The following BANP variants were observed in gnomAD, a reference collection of about 807,000 sequenced individuals.
The protein encoded by BANP is BTG3 associated nuclear protein.
In BANP, 11 loss-of-function variants were observed where a neutral mutation model predicts 68.1. That is an observed-to-expected ratio of 0.16 (90% CI 0.10 to 0.27). The LOEUF (loss-of-function observed/expected upper bound fraction) is 0.27, where lower values mean the gene tolerates loss of function less well. Ranked by LOEUF, BANP falls within the 10% of genes least tolerant of loss-of-function variation. The pLI is 1.00. For synonymous variants in BANP, 329 were observed against 303.2 expected, an observed-to-expected ratio of 1.09 and a Z score of -0.88; for missense variants, 504 against 722.7, an observed-to-expected ratio of 0.70 and a Z score of 3.47.
intron 4 of BANP, among the ~76,000 whole-genome samples, chr16:87,986,688 C>T (rs1325240423): frequency 7.2e-5 from 11 of 152,150 alleles, no homozygotes; most frequent in Admixed American, 1.3e-4. Context: ...ACAGACCTGC[C>T]GTGGCAGAAA....
In BANP at chr16:88,071,185, G is replaced by C. The variant is rs377172994; in HGVS notation, c.1378-884G>C. On this transcript the variant is annotated intron_variant, in intron 12 of 13. Coordinates refer to ENST00000682872, the MANE Select transcript of BANP (RefSeq NM_001386991.1). The surrounding 1 kb of genome is among the most constrained non-coding windows in gnomAD (Gnocchi z 6.5). ...GTGAGACTCTCAGTGCACAGAGTGCGGTTCTGTGTGGAGGTGTGGGATGCA... is the reference window on the plus strand; with the variant it reads ...GTGAGACTCTCAGTGCACAGAGTGCCGTTCTGTGTGGAGGTGTGGGATGCA... 9 of 336,192 alleles carry C rather than the reference G, an allele frequency of 2.7e-5. No homozygotes were observed. Among genetic ancestry groups the C allele is most frequent in the Non-Finnish European group, 4.7e-5 (8 of 171,494 alleles). The allele number at this position is 336,192 out of a possible 1,614,324, so 20.8% of individuals were successfully genotyped here. A position where few individuals can be genotyped will look rare whatever the true frequency, so the allele number is the denominator to read the frequency against.
At chr16:87,967,518 C>G (rs112239273) in intron 1 of BANP, among the ~76,000 whole-genome samples, 5,161 of 152,068 alleles carry the variant, frequency 0.034, 127 homozygotes, top group Middle Eastern at 0.061. Flanking sequence ...TGTAGTGGCA[C>G]TATCTCAGCT....
At chr16:88,063,200 G>A (rs73252341) in intron 11 of BANP, among the ~76,000 whole-genome samples, 2,870 of 152,334 alleles carry the variant, frequency 0.019, 96 homozygotes, top group African/African-American at 0.065. Flanking sequence ...GTTTCACGGC[G>A]TTGCCCTTGT....
chr16:88,037,540 T>C (rs2079653730), intron 10 of BANP: 2 of 168,430 alleles, frequency 1.2e-5, no homozygotes, highest in South Asian at 1.6e-4. Flanking sequence ...TGTGGTTGAG[T>C]GAGTTGGTTC....
At chr16:87,965,221 C>T (rs1186255157) in intron 1 of BANP, among the ~76,000 whole-genome samples, 2 of 152,066 alleles carry the variant, frequency 1.3e-5, no homozygotes, top group African/African-American at 4.8e-5. Flanking sequence ...CCCCATCAGG[C>T]CCTGTGGTGG....
chr16:88,067,313 G>C (rs1021570612), intron 12 of BANP, among the ~76,000 whole-genome samples: 4 of 152,116 alleles, frequency 2.6e-5, no homozygotes, highest in African/African-American at 7.2e-5. Context: ...TCAGCCCCCA[G>C]CCAGTGTCAC....
chr16:87,982,843 A>T (rs1433341591), intron 3 of BANP: 1 of 152,292 alleles, frequency 6.6e-6, no homozygotes, highest in Non-Finnish European at 1.5e-5. Context: ...GATGTATGAT[A>T]TCACTGCAGT....
chr16:88,042,638 G>A (rs1425211515), intron 11 of BANP, among the ~76,000 whole-genome samples: 1 of 152,150 alleles, frequency 6.6e-6, no homozygotes, highest in African/African-American at 2.4e-5. Context: ...TAAAAAAAAT[G>A]TTTTGTGCTG....
chr16:87,994,177 G>A (rs2066609307), intron 4 of BANP, among the ~76,000 whole-genome samples: 2 of 152,184 alleles, frequency 1.3e-5, no homozygotes, highest in Non-Finnish European at 2.9e-5. Flanking sequence ...CAAACATGTT[G>A]CCTAGGAGCC....
At chr16:88,005,790 G>A (rs1402864209) in intron 5 of BANP, among the ~76,000 whole-genome samples, 4 of 152,254 alleles carry the variant, frequency 2.6e-5, no homozygotes, top group Non-Finnish European at 5.9e-5. Context: ...TTTATGGGAT[G>A]ACTACTGAAC....
chr16:88,014,660 C>G (rs2074047037), intron 6 of BANP, among the ~76,000 whole-genome samples: 1 of 151,928 alleles, frequency 6.6e-6, no homozygotes, highest in African/African-American at 2.4e-5. Flanking sequence ...CAGCTGAGAG[C>G]CCCTGCCCAC....
intron 11 of BANP, among the ~76,000 whole-genome samples, chr16:88,039,937 G>C (rs180892842): frequency 7.9e-5 from 12 of 152,356 alleles, no homozygotes; most frequent in African/African-American, 2.9e-4. Context: ...ACCGCAGAAT[G>C]AATAAAGCTG....
chr16:88,038,006 G>C lies in BANP; in HGVS notation c.1306G>C (p.Gly436Arg). ...NLQIHHVGQD[G>R]QLLEATRIPC... Reference sequence around the variant, plus strand: ...CCAGATCCATCACGTGGGGCAGGACGGTCAGGTGAGTGTCCCAGTCCCCAT... The same window carrying C: ...CCAGATCCATCACGTGGGGCAGGACCGTCAGGTGAGTGTCCCAGTCCCCAT... Residue 436 changes from glycine to arginine, a missense_variant, in exon 11 of 14, where the codon GGT becomes CGT. Gly to Arg is a moderately radical substitution (Grantham distance 125). This residue lies in a region of BANP where 223 missense variants were observed against 246.2 expected (regional missense o/e 0.91). Coordinates refer to ENST00000682872, the MANE Select transcript of BANP (RefSeq NM_001386991.1). 1 of 1,613,856 alleles carries C rather than the reference G, an allele frequency of 6.2e-7. No homozygotes were observed. Among genetic ancestry groups the C allele is most frequent in the Non-Finnish European group, 8.5e-7 (1 of 1,179,750 alleles).
At chr16:87,966,431 C>T (rs1335638455) in intron 1 of BANP, among the ~76,000 whole-genome samples, 2 of 152,168 alleles carry the variant, frequency 1.3e-5, no homozygotes, top group African/African-American at 4.8e-5. Context: ...TTTAATTTGC[C>T]AAAATAGCAA....
intron 11 of BANP, among the ~76,000 whole-genome samples, chr16:88,058,542 G>C (rs2085766888): frequency 6.6e-6 from 1 of 150,472 alleles, no homozygotes; most frequent in African/African-American, 2.5e-5. Flanking sequence ...CTGACCACCT[G>C]ACAGGCTGTT....
At chr16:88,010,781 C>T (rs1454081041) in intron 6 of BANP, among the ~76,000 whole-genome samples, 1 of 152,208 alleles carries the variant, frequency 6.6e-6, no homozygotes, top group African/African-American at 2.4e-5. Flanking sequence ...CTATGCTGTG[C>T]CGATTCACAC....
intron 6 of BANP, among the ~76,000 whole-genome samples, chr16:88,014,126 A>T (rs1273186297): frequency 6.6e-6 from 1 of 152,148 alleles, no homozygotes; most frequent in Non-Finnish European, 1.5e-5. Flanking sequence ...TGCGGTGCTG[A>T]AAAAGGCCAG....
intron 1 of BANP, among the ~76,000 whole-genome samples, chr16:87,972,744 G>T (rs12926170): frequency 0.35 from 53,031 of 152,064 alleles, 10,543 homozygotes; most frequent in Non-Finnish European, 0.47. Context: ...CACCTTTAAT[G>T]AGCTTTCATG....
intron 6 of BANP, chr16:88,017,507 G>T (rs1231705761): frequency 6.6e-6 from 1 of 152,400 alleles, no homozygotes; most frequent in East Asian, 1.9e-4. Context: ...TGGTCAACCT[G>T]AGGACAACCC....
Sources: allele counts gnomAD v4.1 joint callset (sites outside exome capture counted in the v4.1 genomes callset), GRCh38; gene constraint gnomAD v4.1.1; regional missense constraint gnomAD v4.1.1; non-coding constraint Gnocchi (gnomAD v3.1); transcripts MANE v1.5; gene names NCBI Gene and HGNC (gene_info 2026-07-23, HGNC 2026-07-21).